The following DAB1 variants were observed in gnomAD, a reference collection of about 807,000 sequenced individuals.
DAB1 encodes the protein disabled homolog 1.
Under a neutral mutation model 64.6 loss-of-function variants are expected in DAB1, and 15 were observed. The observed-to-expected ratio is 0.23, with a 90% CI of 0.16 to 0.36. DAB1 has a LOEUF of 0.36. DAB1 is among the 10% of genes least tolerant of loss of function. The pLI is 1.00. For synonymous variants in DAB1, 235 were observed against 251.9 expected (o/e 0.93, Z 0.64); for missense variants, 596 against 706.7 (o/e 0.84, Z 1.78).
intron 4 of DAB1, among the ~76,000 whole-genome samples, chr1:58,313,818 C>CAT (rs1553174571): frequency 2.3e-5 from 2 of 85,938 alleles, no homozygotes; most frequent in African/African-American, 1.1e-4. Context: ...ATTGTATCTT[C>CAT]ATGTGTGTGT....
chr1:57,096,294 T>G (rs1654159921), intron 4 of DAB1, among the ~76,000 whole-genome samples: 1 of 152,164 alleles, frequency 6.6e-6, no homozygotes, highest in Admixed American at 6.6e-5. Flanking sequence ...GCTTAAAAGC[T>G]TACTGCTCAT....
exon 1 of DAB1, chr1:57,884,062 G>C (rs910275520): frequency 6.6e-6 from 1 of 152,292 alleles, no homozygotes; most frequent in African/African-American, 2.4e-5. Context: ...CTGGCAAAAG[G>C]GGGGTGCCCA....
intron 5 of DAB1, among the ~76,000 whole-genome samples, chr1:57,951,334 T>TATATATATATATATATATATATATC (rs1219655257): frequency 0.017 from 1,091 of 63,672 alleles, 214 homozygotes; most frequent in Non-Finnish European, 0.032. Context: ...ATATATATAC[T>TATATATATATATATATATATATATC]TCCCTGGAAA....
At chr1:57,484,992 C>T (rs565603860) in intron 7 of DAB1, among the ~76,000 whole-genome samples, 1 of 152,260 alleles carries the variant, frequency 6.6e-6, no homozygotes, top group South Asian at 2.1e-4. Context: ...CAAGTCCTGG[C>T]ACTGACTCTC....
chr1:57,541,843 G>A (rs983486455), intron 7 of DAB1, among the ~76,000 whole-genome samples: 2 of 152,192 alleles, frequency 1.3e-5, no homozygotes, highest in African/African-American at 4.8e-5. Flanking sequence ...GTCATTGTTA[G>A]ATACTGCTAT....
chr1:58,064,089 T>C (rs1299658358), intron 5 of DAB1, among the ~76,000 whole-genome samples: 1 of 152,068 alleles, frequency 6.6e-6, no homozygotes, highest in African/African-American at 2.4e-5. Context: ...TACAGTAAAA[T>C]GAGGGGCTGG....
intron 1 of DAB1, among the ~76,000 whole-genome samples, chr1:57,851,267 T>C (rs1312790261): frequency 6.6e-6 from 1 of 152,244 alleles, no homozygotes; most frequent in Non-Finnish European, 1.5e-5. Context: ...AATTAAAATG[T>C]TATTATTTTG....
Position 57,601,524 on chromosome 1 carries a change from C to A in DAB1, n.625+48068G>T, listed in dbSNP as rs369031962. Among the ~76,000 whole-genome samples, 172 of 152,132 alleles carry A rather than the reference C, an allele frequency of 1.1e-3. 4 individuals are homozygous for A. The South Asian group carries it at 0.034, about 30-fold the overall frequency. ...CAGAGGTTGCAGTGAGCTGAGATTG[C>A]GCCTCCAGACTGGAGTCTCCAGCTG... On this transcript the variant is annotated intron_variant and non_coding_transcript_variant, in intron 7 of 20. Coordinates refer to the DAB1 transcript ENST00000485760.
chr1:57,121,348 A>C (rs562101730), intron 4 of DAB1, among the ~76,000 whole-genome samples: 1 of 151,866 alleles, frequency 6.6e-6, no homozygotes, highest in East Asian at 2.0e-4. Context: ...TCAGGGAGAG[A>C]GTTGGAAATA....
intron 2 of DAB1, among the ~76,000 whole-genome samples, chr1:57,237,820 G>A (rs945979218): frequency 3.5e-4 from 53 of 152,322 alleles, no homozygotes; most frequent in African/African-American, 1.3e-3. Flanking sequence ...CACCTATTCT[G>A]TGTAAGGAAA....
chr1:57,592,894 T>C (rs1645461622), intron 7 of DAB1, among the ~76,000 whole-genome samples: 1 of 152,166 alleles, frequency 6.6e-6, no homozygotes, highest in African/African-American at 2.4e-5. Context: ...GCTCTGGTAC[T>C]CTTCTGACCT....
chr1:57,688,702 T>A (rs1348237334), intron 6 of DAB1, among the ~76,000 whole-genome samples: 2 of 152,192 alleles, frequency 1.3e-5, no homozygotes, highest in Admixed American at 6.6e-5. Context: ...AAAGAAAATG[T>A]GGTACATATA....
chr1:58,061,269 C>T (rs376921685), intron 5 of DAB1, among the ~76,000 whole-genome samples: 4 of 152,306 alleles, frequency 2.6e-5, no homozygotes, highest in African/African-American at 7.2e-5. Flanking sequence ...ATTCTAGGGT[C>T]GCTGAAACAA....
intron 2 of DAB1, among the ~76,000 whole-genome samples, chr1:57,284,120 T>C (rs925427519): frequency 2.6e-5 from 4 of 152,230 alleles, no homozygotes; most frequent in Admixed American, 2.6e-4. Flanking sequence ...ACATGGAATA[T>C]TTTAATGAAT....
intron 3 of DAB1, among the ~76,000 whole-genome samples, chr1:58,355,007 G>T (rs895884768): frequency 6.6e-6 from 1 of 152,056 alleles, no homozygotes; most frequent in Non-Finnish European, 1.5e-5. Flanking sequence ...ATCATCAAAC[G>T]GAATCTATAC....
intron 1 of DAB1, among the ~76,000 whole-genome samples, chr1:57,829,659 G>A (rs1483569926): frequency 2.0e-5 from 3 of 152,088 alleles, no homozygotes; most frequent in African/African-American, 7.2e-5. Flanking sequence ...ACAGTCTCTG[G>A]GTCTGGGTAA....
intron 6 of DAB1, among the ~76,000 whole-genome samples, chr1:57,704,847 C>T (rs912216624): frequency 8.2e-6 from 1 of 121,610 alleles, no homozygotes; most frequent in African/African-American, 2.9e-5. Flanking sequence ...TGATGTGACT[C>T]TAAAATGCCC....
At chr1:57,252,750 C>G (rs1669447735) in intron 2 of DAB1, among the ~76,000 whole-genome samples, 2 of 152,192 alleles carry the variant, frequency 1.3e-5, no homozygotes, top group South Asian at 4.1e-4. Flanking sequence ...AGATTCAGAG[C>G]TGAGAGAGAA....
At chr1:58,266,722 A>AT (rs1420068099) in intron 4 of DAB1, among the ~76,000 whole-genome samples, 3 of 152,174 alleles carry the variant, frequency 2.0e-5, no homozygotes, top group South Asian at 4.1e-4. Flanking sequence ...GAATTGGAGG[A>AT]TTTTTCCCAA....
Sources: gnomAD v4.1 joint callset for allele counts (sites outside exome capture counted in the v4.1 genomes callset) on GRCh38, gnomAD v4.1.1 for gene constraint, MANE v1.5 for transcripts, NCBI Gene and HGNC (gene_info 2026-07-23, HGNC 2026-07-21) for gene names.